Variants in TARS2 observed in about 807,000 individuals in gnomAD.
The protein encoded by TARS2 is threonine--tRNA ligase, mitochondrial.
In TARS2, 61 loss-of-function variants were observed where a neutral mutation model predicts 94.4. The ratio of observed to expected loss-of-function variants is 0.65; its 90% CI spans 0.53 to 0.80. TARS2 has a LOEUF of 0.80. Ranked by LOEUF, TARS2 falls within the 30% of genes least tolerant of loss-of-function variation. TARS2 has a pLI of 0.00. For missense variants in TARS2, 704 were observed against 902.5 expected (o/e 0.78, Z 2.82); for synonymous variants, 359 against 353.4 (o/e 1.02, Z -0.18).
chr1:150,498,768 T>A, intron 11 of TARS2, 104 bp downstream of exon 11: 6 of 1,606,392 alleles, frequency 3.7e-6, no homozygotes, highest in Non-Finnish European at 5.1e-6. Flanking sequence ...TGTACTATAA[T>A]TCAGCTACAT....
intron 16 of TARS2, 35 bp downstream of exon 16, chr1:150,505,013 G>C (rs769896062): frequency 6.2e-7 from 1 of 1,610,416 alleles, no homozygotes; most frequent in South Asian, 1.1e-5. Flanking sequence ...GGCAGAAGCA[G>C]GTCCAGTAGA....
Position 150,496,909 on chromosome 1 carries a change from G to T in TARS2, c.1020+1G>T, listed in dbSNP as rs769547000. Reference sequence around the variant, plus strand: ...TAATGCACTAGTGGCGTTTATCAGGGTAAGGGGACCCAGGTCTAGAGGAAA... The same window carrying T: ...TAATGCACTAGTGGCGTTTATCAGGTTAAGGGGACCCAGGTCTAGAGGAAA... On this transcript the variant is annotated splice_donor_variant, in intron 9 of 17. Coordinates refer to ENST00000369064, the MANE Select transcript of TARS2 (RefSeq NM_025150.5). LOFTEE classifies it high-confidence loss of function. The T allele has an allele frequency of 1.2e-6, 2 of 1,613,946 alleles. No individual in the cohort carries two copies. Among genetic ancestry groups the T allele is most frequent in the Non-Finnish European group, 1.7e-6 (2 of 1,179,926 alleles).
intron 13 of TARS2, among the ~76,000 whole-genome samples, chr1:150,501,020 G>C (rs1214025035): frequency 1.3e-5 from 2 of 152,040 alleles, no homozygotes; most frequent in Non-Finnish European, 2.9e-5. Context: ...GAAGTTTGTA[G>C]GCATGGTAAC....
At chr1:150,506,882 T>C (rs745710078) in intron 17 of TARS2, 34 bp from the exon 18 acceptor site, 1 of 1,612,294 alleles carries the variant, frequency 6.2e-7, no homozygotes, top group Non-Finnish European at 8.5e-7. Flanking sequence ...TGGGTGAATT[T>C]GCCCTGAGGT....
intron 7 of TARS2, among the ~76,000 whole-genome samples, chr1:150,493,753 CAAA>C (rs1158957081): frequency 1.1e-5 from 1 of 91,684 alleles, no homozygotes. Context: ...AACTCCGTCT[CAAA>C]AAAAAAAAAA....
chr1:150,503,567 GTGTGTGTGTGTA>G (rs1670025143), intron 13 of TARS2, among the ~76,000 whole-genome samples: 1 of 98,134 alleles, frequency 1.0e-5, no homozygotes, highest in African/African-American at 4.4e-5. Context: ...GTGTGTGTGT[GTGTGTGTGTGTA>G]TATATATGTG....
chr1:150,490,734 TGAAAG>T lies in TARS2; in HGVS notation c.512+13_512+17del, dbSNP rs756173047. On this transcript the variant is annotated intron_variant, in intron 4 of 17. Transcript: ENST00000369064. ...TTCCTGGGAAAGGAGAGGTGAGTAATGAAAGGAAGGAGGAGAATGATTCTGGGATG... is the reference window on the plus strand; with the variant it reads ...TTCCTGGGAAAGGAGAGGTGAGTAATGAAGGAGGAGAATGATTCTGGGATG... 2.2e-5 allele frequency: 35 copies of T among 1,613,226 alleles called. No individual in the cohort carries two copies. The Middle Eastern group carries it at 6.9e-4, about 32-fold the overall frequency.
intron 2 of TARS2, chr1:150,488,288 GCCTC>G (rs1162920829): frequency 2.0e-5 from 9 of 447,410 alleles, no homozygotes; most frequent in Non-Finnish European, 3.6e-5. Flanking sequence ...TTCCATCTCA[GCCTC>G]CCGAAGTGCT....
At chr1:150,502,679 T>A (rs2102504717) in intron 13 of TARS2, among the ~76,000 whole-genome samples, 1 of 152,282 alleles carries the variant, frequency 6.6e-6, no homozygotes, top group Middle Eastern at 3.4e-3. Flanking sequence ...GTGGGCCATG[T>A]GCCTTGCCTG....
In TARS2 at chr1:150,488,005, G is replaced by T. The variant is rs1669226082; in HGVS notation, c.214G>T (p.Asp72Tyr). 1 of 1,614,036 alleles carries T rather than the reference G, an allele frequency of 6.2e-7. No homozygotes were observed. Among genetic ancestry groups the T allele is most frequent in the East Asian group, 2.2e-5 (1 of 44,880 alleles). The stretch of plus-strand genomic sequence containing the variant: ...ATCACTTCCTGGAGGCCAGAAAATT[G>T]ATGCTGTGGCATGGAACACAACCCC... ...KISLPGGQKI[D>Y]AVAWNTTPYQ... Residue 72 changes from aspartate to tyrosine, a missense_variant, in exon 2 of 18, where the codon GAT becomes TAT. Transcript: ENST00000369064.
chr1:150,501,626 G>A (rs1400624107), intron 13 of TARS2, among the ~76,000 whole-genome samples: 2 of 150,924 alleles, frequency 1.3e-5, no homozygotes, highest in Non-Finnish European at 3.0e-5. Context: ...ATGAGCCACT[G>A]CGCCCGACCG....
chr1:150,505,487 GA>G, intron 16 of TARS2, 103 bp from the exon 17 acceptor site: 1 of 1,037,842 alleles, frequency 9.6e-7, no homozygotes, highest in Non-Finnish European at 1.5e-6. Flanking sequence ...CCGAGGCAGG[GA>G]AAGGAGGAAC....
chr1:150,499,006 A>G lies in TARS2; in HGVS notation c.1511A>G (p.Asp504Gly), dbSNP rs200102689. 1 of 1,613,640 alleles carries G rather than the reference A, an allele frequency of 6.2e-7. No individual in the cohort carries two copies. Among genetic ancestry groups the G allele is most frequent in the Non-Finnish European group, 8.5e-7 (1 of 1,179,944 alleles). ...ACCCGGCCATCTGGCTTCCTGGGGG[A>G]CCCTTGCCTTTGGGACCAGGCCGAA... ...LSTRPSGFLG[D>G]PCLWDQAEQV... is the part of the protein sequence containing the mutation. The change falls in exon 12 of 18, where the codon GAC (aspartate) becomes GGC (glycine). Residue 504 changes from aspartate to glycine, a missense_variant. By Grantham distance (94) the Asp-to-Gly change is moderately conservative. This residue lies in a region of TARS2 where 466 missense variants were observed against 609.5 expected (regional missense o/e 0.76). Transcript: ENST00000369064.
In TARS2 at chr1:150,496,366, A is replaced by G. The variant is rs1343965; in HGVS notation, c.775-116A>G. 0.2 allele frequency: 246,806 copies of G among 1,236,028 alleles called. 27,290 individuals carry two copies. The highest frequency in any genetic ancestry group is 0.32 in the African/African-American group (21,144 of 66,074). 76.6% of individuals were successfully genotyped at this position (1,236,028 alleles called of 1,614,324 possible). The stretch of plus-strand genomic sequence containing the variant: ...TGGAGGTGTTCATCCTACTGGTGGG[A>G]TTGTTGTCAAGAGGCATACCTGTGA... On this transcript the variant is annotated intron_variant, in intron 7 of 17. Transcript: ENST00000369064.
chr1:150,506,480 G>A lies in TARS2; in HGVS notation c.2009-436G>A, dbSNP rs905633441. 1.7e-4 allele frequency among the ~76,000 whole-genome samples: 6 copies of A among 34,322 alleles called. 1 individual carries two copies. Among genetic ancestry groups the A allele is most frequent in the African/African-American group, 4.3e-4 (5 of 11,604 alleles). 22.5% of individuals were successfully genotyped at this position (34,322 alleles called of 152,430 possible). ...TTGCTCTAATACCCCCTTCAGACAC[G>A]CGCGCGCACACACACACACACACAC... On this transcript the variant is annotated intron_variant, in intron 17 of 17. Transcript: ENST00000369064.
intron 7 of TARS2, among the ~76,000 whole-genome samples, chr1:150,494,345 T>C (rs1416726491): frequency 7.6e-6 from 1 of 130,962 alleles, no homozygotes; most frequent in Non-Finnish European, 1.5e-5. Context: ...CATTCCAGCC[T>C]GGGCCACGGA....
At chr1:150,506,319 C>A (rs1345818668) in intron 17 of TARS2, among the ~76,000 whole-genome samples, 2 of 152,048 alleles carry the variant, frequency 1.3e-5, no homozygotes, top group African/African-American at 2.4e-5. Context: ...AGCAGAGGCC[C>A]CTCACTCTGT....
chr1:150,489,928 C>T (rs587719915), intron 3 of TARS2, among the ~76,000 whole-genome samples: 8 of 151,956 alleles, frequency 5.3e-5, no homozygotes, highest in South Asian at 4.2e-4. Flanking sequence ...GGCGACAGAG[C>T]GAGACTCCGT....
chr1:150,492,809 C>CA lies in TARS2; in HGVS notation c.774+339dup, dbSNP rs750302051. On this transcript the variant is annotated intron_variant, in intron 7 of 17. Coordinates refer to ENST00000369064, the MANE Select transcript of TARS2 (RefSeq NM_025150.5). ...TGGGCAACAGAGCGAGAGTCCATCTCAAAAAAAAAAAAAAAAAAATTCCTG... is the reference window on the plus strand; with the variant it reads ...TGGGCAACAGAGCGAGAGTCCATCTCAAAAAAAAAAAAAAAAAAAATTCCTG... Among the ~76,000 whole-genome samples, 238 of 67,078 alleles carry CA rather than the reference C, an allele frequency of 3.5e-3. 1 individual carries two copies. In the South Asian group the frequency reaches 0.046, roughly 13 times the overall value. The allele number at this position is 67,078 out of a possible 152,430, so 44.0% of individuals were successfully genotyped here.
Sources: allele counts gnomAD v4.1 joint callset (sites outside exome capture counted in the v4.1 genomes callset), GRCh38; gene constraint gnomAD v4.1.1; regional missense constraint gnomAD v4.1.1; transcripts MANE v1.5; gene names NCBI Gene and HGNC (gene_info 2026-07-23, HGNC 2026-07-21).